The following BCOR variants were observed in gnomAD, a reference collection of about 807,000 sequenced individuals.
BCOR encodes the protein BCL-6 corepressor.
In BCOR, 10 loss-of-function variants were observed where a neutral mutation model predicts 86.7. That is an observed-to-expected ratio of 0.12 (90% confidence interval 0.07 to 0.20). The LOEUF is 0.20. BCOR is among the 10% of genes least tolerant of loss of function. BCOR has a pLI of 1.00. For synonymous variants in BCOR, 611 were observed against 609.0 expected (o/e 1.00, Z -0.05); for missense variants, 1,259 against 1,452.1 (o/e 0.87, Z 2.16).
chrX:40,129,489 AAAAAG>A (rs922737258), intron 1 of BCOR, among the ~76,000 whole-genome samples: 1 of 110,525 alleles, frequency 9.0e-6, no homozygotes, highest in Non-Finnish European at 1.9e-5. Context: ...TCAAAAAAAA[AAAAAG>A]AAGAAGAGGA....
chrX:40,151,129 G>A (rs1938157259), intron 1 of BCOR, among the ~76,000 whole-genome samples: 1 of 111,774 alleles, frequency 8.9e-6, no homozygotes, highest in Non-Finnish European at 1.9e-5. Flanking sequence ...ACCCACTAAG[G>A]GTGGCACTTC....
intron 1 of BCOR, among the ~76,000 whole-genome samples, chrX:40,116,756 T>A (rs889504100): frequency 8.9e-6 from 1 of 112,388 alleles, no homozygotes; most frequent in African/African-American, 3.2e-5. Flanking sequence ...GGGTGCTTTA[T>A]TTGGATCTGA....
intron 1 of BCOR, among the ~76,000 whole-genome samples, chrX:40,113,289 C>T (rs1258710283): frequency 1.9e-5 from 2 of 107,243 alleles, no homozygotes; most frequent in African/African-American, 6.8e-5. Context: ...CGCCTGTAGT[C>T]CCAGCTACTC....
At position 40,054,294 on chromosome X, in the gene BCOR, G is replaced by A. The variant is rs1033393242; in HGVS notation, c.4781C>T (p.Ala1594Val). The A allele has an allele frequency of 1.7e-6, 2 of 1,207,007 alleles. No homozygotes were observed. Among genetic ancestry groups the A allele is most frequent in the African/African-American group, 3.5e-5 (2 of 56,971 alleles). ...NDLQGRNDDD[A>V]SGTWDFYGSS... ...GCCATAGAAGTCCCAAGTGCCACTG[G>A]CGTCATCATCATTGCGACCCTGGAG... Residue 1594 changes from alanine (A) to valine (V), a missense_variant, in exon 13 of 15, where the codon GCC (alanine) becomes GTC (valine). Transcript: ENST00000378444.
chrX:40,059,667 C>T (rs1934770906), intron 10 of BCOR, among the ~76,000 whole-genome samples: 1 of 113,016 alleles, frequency 8.8e-6, no homozygotes, highest in Non-Finnish European at 1.9e-5. Flanking sequence ...AAGGGCAGCC[C>T]GCCCATTCCC....
At chrX:40,099,591 CA>C (rs1937032733), upstream of BCOR, among the ~76,000 whole-genome samples, 1 of 112,098 alleles carries the variant, frequency 8.9e-6, no homozygotes, top group Non-Finnish European at 1.9e-5. Context: ...TAATCAAAAG[CA>C]TCTCAAGTTG....
chrX:40,155,338 C>A (rs770270983), intron 1 of BCOR, among the ~76,000 whole-genome samples: 1 of 111,453 alleles, frequency 9.0e-6, no homozygotes, highest in Non-Finnish European at 1.9e-5. Context: ...CTGCTGCGAC[C>A]GGGGGAGAGG....
intron 1 of BCOR, among the ~76,000 whole-genome samples, chrX:40,130,926 T>C (rs1252047559): frequency 9.0e-6 from 1 of 111,596 alleles, no homozygotes; most frequent in Non-Finnish European, 1.9e-5. Context: ...CCACCTTCCC[T>C]GGGGAGCTGG....
Position 40,070,909 on chromosome X carries a change from T to C in BCOR, c.3238+64A>G, listed in dbSNP as rs1349865922. The stretch of plus-strand genomic sequence containing the variant: ...TTCCATGCATGGCAAAAGCAGCCCA[T>C]TTCTCCAAGCAGATGCCAACCGGAC... On this transcript the variant is annotated intron_variant, in intron 6 of 14. Transcript: ENST00000378444. 2.7e-6 allele frequency: 3 copies of C among 1,096,871 alleles called. No individual in the cohort carries two copies. The African/African-American group carries it at 5.5e-5, about 20-fold the overall frequency. The allele number at this position is 1,096,871 out of a possible 1,213,427, so 90.4% of individuals were successfully genotyped here.
intron 14 of BCOR, among the ~76,000 whole-genome samples, chrX:40,053,412 G>C (rs1159514727): frequency 8.9e-6 from 1 of 111,888 alleles, no homozygotes; most frequent in African/African-American, 3.2e-5. Context: ...GGGCAGAGGG[G>C]ATTAACTAAA....
intron 1 of BCOR, among the ~76,000 whole-genome samples, chrX:40,159,697 A>T (rs1938372573): frequency 8.9e-6 from 1 of 112,252 alleles, no homozygotes; most frequent in Non-Finnish European, 1.9e-5. Flanking sequence ...AACTTTTTGA[A>T]AAAGTTTTCA....
At chrX:40,099,327 G>A (rs1937026717), upstream of BCOR, among the ~76,000 whole-genome samples, 1 of 111,843 alleles carries the variant, frequency 8.9e-6, no homozygotes, top group Admixed American at 9.3e-5. Flanking sequence ...GAAGCTGGCG[G>A]GAAGGGGTAG....
intron 1 of BCOR, among the ~76,000 whole-genome samples, chrX:40,093,481 GAAGA>G (rs1936709014): frequency 9.0e-6 from 1 of 111,437 alleles, no homozygotes; most frequent in Admixed American, 9.5e-5. Flanking sequence ...ATTTCAAGCT[GAAGA>G]AAGAACTAGA....
At chrX:40,099,690 C>T (rs1193069557), upstream of BCOR, among the ~76,000 whole-genome samples, 1 of 112,432 alleles carries the variant, frequency 8.9e-6, no homozygotes, top group African/African-American at 3.2e-5. Context: ...GACTGTGGGA[C>T]TGGTATTAGG....
chrX:40,168,436 T>TC (rs1461734911), intron 1 of BCOR, among the ~76,000 whole-genome samples: 1 of 112,696 alleles, frequency 8.9e-6, no homozygotes, highest in African/African-American at 3.2e-5. Flanking sequence ...AACACCCCCC[T>TC]CCTAGCCTAA....
intron 10 of BCOR, among the ~76,000 whole-genome samples, chrX:40,061,510 G>A (rs1316451310): frequency 9.0e-6 from 1 of 111,554 alleles, no homozygotes; most frequent in Non-Finnish European, 1.9e-5. Flanking sequence ...CTCCGTCAAC[G>A]TAAGCTATCA....
chrX:40,174,664 A>C, intron 1 of BCOR, among the ~76,000 whole-genome samples: 1 of 112,500 alleles, frequency 8.9e-6, no homozygotes. Flanking sequence ...AGAAACTACA[A>C]CTAAAATAAT....
chrX:40,119,147 T>C (rs1305044658), intron 1 of BCOR, among the ~76,000 whole-genome samples: 1 of 111,596 alleles, frequency 9.0e-6, no homozygotes, highest in East Asian at 2.8e-4. Context: ...ACTCTGTTTT[T>C]TAAGATGCAA....
In BCOR at chrX:40,062,184, G is replaced by A. The variant is rs189731022; in HGVS notation, c.4383C>T (p.Asn1461=). ...CCCGCTGCAGAAGGGTCTCGCCAGC[G>A]TTCTTATTGACAATAAGTCTCCGTG... The part of the protein sequence containing the change: ...PEARRLIVNK[N]AGETLLQRAA... The change falls in exon 10 of 15, where the codon AAC becomes AAT. Residue 1461 remains asparagine (N), a synonymous_variant. Transcript: ENST00000378444. 222 of 1,205,230 alleles carry A rather than the reference G, an allele frequency of 1.8e-4. No individual in the cohort carries two copies. The highest frequency in any genetic ancestry group is 4.6e-4 in the Middle Eastern group (2 of 4,324).
Sources: allele counts gnomAD v4.1 joint callset (sites outside exome capture counted in the v4.1 genomes callset), GRCh38; gene constraint gnomAD v4.1.1; transcripts MANE v1.5; gene names NCBI Gene and HGNC (gene_info 2026-07-23, HGNC 2026-07-21).